The following PHF1 variants were observed in gnomAD, a reference collection of about 807,000 sequenced individuals.
PHF1 encodes the protein polycomb-like 1.
PHF1 carries 16 observed loss-of-function variants against 69.4 expected under a neutral mutation model. The observed-to-expected ratio is 0.23, with a 90% CI of 0.16 to 0.35. PHF1 has a LOEUF of 0.35. PHF1 is among the 10% of genes least tolerant of loss of function. PHF1 has a pLI of 1.00. For synonymous variants in PHF1, 274 were observed against 275.0 expected, an observed-to-expected ratio of 1.00 and a Z score of 0.04; for missense variants, 515 against 732.8, an observed-to-expected ratio of 0.70 and a Z score of 3.43.
chr6:33,414,410 ATG>A lies in PHF1; in HGVS notation c.876+46_876+47del. ...TTGGGGGTTGGGATGGGACAGGGAG[ATG>A]TAGCGGAAAGGGGAAGAGAAGAAAT... On this transcript the variant is annotated intron_variant, in intron 9 of 14. Coordinates refer to ENST00000374516, the MANE Select transcript of PHF1 (RefSeq NM_024165.3). This position sits in a 1 kb window ranked among gnomAD's most constrained non-coding sequence, Gnocchi z 5.0. The A allele has an allele frequency of 6.2e-7, 1 of 1,613,584 alleles. No homozygotes were observed.
chr6:33,416,186 T>A lies in PHF1; in HGVS notation c.*88T>A. 8.3e-7 allele frequency: 1 copy of A among 1,209,942 alleles called. No homozygotes were observed. Among genetic ancestry groups the A allele is most frequent in the Middle Eastern group, 2.7e-4 (1 of 3,712 alleles). 75.0% of individuals were successfully genotyped at this position (1,209,942 alleles called of 1,614,324 possible). ...ACCTCACCTACAGCTGGGATGTACC[T>A]GGAGAGATAGGGGGTAGTTCTCCCT... On this transcript the variant is annotated 3_prime_UTR_variant, in exon 15 of 15. Transcript: ENST00000374516.
chr6:33,414,380 C>T lies in PHF1; in HGVS notation c.876+14C>T, dbSNP rs777152109. 3.7e-6 allele frequency: 6 copies of T among 1,613,994 alleles called. No individual in the cohort carries two copies. Among genetic ancestry groups the T allele is most frequent in the Non-Finnish European group, 5.1e-6 (6 of 1,179,982 alleles). On this transcript the variant is annotated intron_variant, in intron 9 of 14. Transcript: ENST00000374516. The surrounding 1 kb of genome is among the most constrained non-coding windows in gnomAD (Gnocchi z 5.0). ...CTCCTGGGGGAGGTAAGGGGTAGTG[C>T]AGTTTTGGGGGTTGGGATGGGACAG...
At chr6:33,411,863 AAAG>A (rs1776087195) in intron 1 of PHF1, among the ~76,000 whole-genome samples, 1 of 152,178 alleles carries the variant, frequency 6.6e-6, no homozygotes, top group African/African-American at 2.4e-5. Context: ...CAAAATAGGC[AAAG>A]AAAATGGGGA....
rs375893284 is a variant in PHF1 at position 33,415,010 on chromosome 6, C to T, written c.1105C>T (p.Arg369Trp). The change falls in exon 12 of 15, where the codon CGG (arginine) becomes TGG (tryptophan). Residue 369 changes from arginine (R) to tryptophan (W), a missense_variant. Arg to Trp is a moderately radical substitution (Grantham distance 101). Around this residue, in one of 5 missense-constraint regions of PHF1, gnomAD observed 274 missense variants for 304.5 expected, o/e 0.90. Transcript: ENST00000374516. ...GGVSRPLGKR[R>W]RPEPEPLRRR... is the part of the protein sequence containing the mutation. Reference sequence around the variant, plus strand: ...GGTCTCACGTCCCCTGGGGAAGCGCCGGAGGCCGGAGCCAGAGCCCCTGAG... The same window carrying T: ...GGTCTCACGTCCCCTGGGGAAGCGCTGGAGGCCGGAGCCAGAGCCCCTGAG... 16 of 1,566,116 alleles carry T rather than the reference C, an allele frequency of 1.0e-5. No homozygotes were observed. Among genetic ancestry groups the T allele is most frequent in the African/African-American group, 4.1e-5 (3 of 73,510 alleles).
rs569846417 is a variant in PHF1, at chr6:33,416,403, G to A, written c.*305G>A. 20 of 524,952 alleles carry A rather than the reference G, an allele frequency of 3.8e-5. No homozygotes were observed. The highest frequency in any genetic ancestry group is 2.3e-4 in the South Asian group (7 of 30,850). 32.5% of individuals were successfully genotyped at this position (524,952 alleles called of 1,614,324 possible). ...AGGAGGGAGGATGATAAGGGATCCC[G>A]GACTCTGTATGATTGAAATAAAGAG... On this transcript the variant is annotated 3_prime_UTR_variant, in exon 15 of 15. Coordinates refer to ENST00000374516, the MANE Select transcript of PHF1 (RefSeq NM_024165.3).
Position 33,415,369 on chromosome 6 carries a change from C to T in PHF1, c.1334+40C>T, listed in dbSNP as rs1291707870. ...GCCCCTCCCCCACAAAATATGCTCCCAATTATTCACATCTTCTGGACTTTA... is the reference window on the plus strand; with the variant it reads ...GCCCCTCCCCCACAAAATATGCTCCTAATTATTCACATCTTCTGGACTTTA... On this transcript the variant is annotated intron_variant, in intron 13 of 14. Coordinates refer to ENST00000374516, the MANE Select transcript of PHF1 (RefSeq NM_024165.3). The T allele has an allele frequency of 2.8e-6, 4 of 1,453,740 alleles. No homozygotes were observed. The Admixed American group carries it at 5.1e-5, about 19-fold the overall frequency. 90.1% of individuals were successfully genotyped at this position (1,453,740 alleles called of 1,614,324 possible). A position where few individuals can be genotyped will look rare whatever the true frequency, so the allele number is the denominator to read the frequency against.
Position 33,412,164 on chromosome 6 carries a change from G to GAAAAA in PHF1, c.-16-72_-16-68dup. The GAAAAA allele has an allele frequency of 1.2e-6, 1 of 830,138 alleles. No homozygotes were observed. Among genetic ancestry groups the GAAAAA allele is most frequent in the Non-Finnish European group, 1.8e-6 (1 of 558,024 alleles). The allele number at this position is 830,138 out of a possible 1,614,324, so 51.4% of individuals were successfully genotyped here. Reference sequence around the variant, plus strand: ...GCGACAGAGCAAAACTCCATCTCAGGAAAAAAAAAAAAAAAAGAAAAAGAA... The same window carrying GAAAAA: ...GCGACAGAGCAAAACTCCATCTCAGGAAAAAAAAAAAAAAAAAAAAAGAAAAAGAA... On this transcript the variant is annotated intron_variant, in intron 1 of 14. Coordinates refer to ENST00000374516, the MANE Select transcript of PHF1 (RefSeq NM_024165.3). This position sits in a 1 kb window ranked among gnomAD's most constrained non-coding sequence, Gnocchi z 4.2.
Position 33,415,660 on chromosome 6 carries a change from C to T in PHF1, c.1405C>T (p.Pro469Ser). The T allele has an allele frequency of 1.2e-6, 2 of 1,613,670 alleles. No individual in the cohort carries two copies. Among genetic ancestry groups the T allele is most frequent in the African/African-American group, 2.7e-5 (2 of 74,982 alleles). The stretch of plus-strand genomic sequence containing the variant: ...CGCAGGGACCTCTGGGGACAGTGGA[C>T]CCCCAGACAGGTGAGATTCTGTCTT... ...STAGTSGDSG[P>S]PDRSPLELHI... is the part of the protein sequence containing the mutation. The change falls in exon 14 of 15, where the codon CCC (proline) becomes TCC (serine). Residue 469 changes from proline to serine, a missense_variant. Physicochemically the swap from Pro to Ser is moderately conservative, Grantham distance 74. Transcript: ENST00000374516.
At position 33,411,023 on chromosome 6, in the gene PHF1, C is replaced by CT. The variant is rs1271723384; in HGVS notation, c.-208dup. 32 of 151,478 alleles carry CT rather than the reference C, an allele frequency of 2.1e-4. No individual in the cohort carries two copies. The highest frequency in any genetic ancestry group is 7.8e-4 in the African/African-American group (32 of 41,204). 9.4% of individuals were successfully genotyped at this position (151,478 alleles called of 1,614,324 possible). ...CCCTCCCCCCCGCCGCCTCCTCCTC[C>CT]TGCCGCTGCCGCTGCTTTGGCTGCT... On this transcript the variant is annotated 5_prime_UTR_variant, in exon 1 of 15. Coordinates refer to ENST00000374516, the MANE Select transcript of PHF1 (RefSeq NM_024165.3).
intron 6 of PHF1, 43 bp downstream of exon 6, chr6:33,413,600 G>A (rs550226747): frequency 8.1e-6 from 13 of 1,612,730 alleles, no homozygotes; most frequent in African/African-American, 1.3e-5. Context: ...GAATGATGTG[G>A]TGGTGGATCC....
Position 33,413,736 on chromosome 6 carries a change from G to A in PHF1, c.588G>A (p.Glu196=). 6.2e-7 allele frequency: 1 copy of A among 1,613,258 alleles called. No homozygotes were observed. Among genetic ancestry groups the A allele is most frequent in the Non-Finnish European group, 8.5e-7 (1 of 1,179,612 alleles). ...QSYCYCGGPG[E]WNLKMLQCRS... Reference sequence around the variant, plus strand: ...CCAGAAGTCCTGTGTTCCCCCTCAGGTGGAACCTGAAAATGCTGCAGTGCC... The same window carrying A: ...CCAGAAGTCCTGTGTTCCCCCTCAGATGGAACCTGAAAATGCTGCAGTGCC... The change falls in exon 7 of 15, where the codon GAG becomes GAA. Residue 196 remains glutamate (E), a splice_region_variant and synonymous_variant. Transcript: ENST00000374516.
In PHF1 at chr6:33,415,316, C is replaced by T. The variant is rs764422208; in HGVS notation, c.1321C>T (p.Arg441Cys). The T allele has an allele frequency of 1.6e-5, 25 of 1,612,722 alleles. No individual in the cohort carries two copies. Among genetic ancestry groups the T allele is most frequent in the African/African-American group, 1.1e-4 (8 of 74,868 alleles). Reference sequence around the variant, plus strand: ...CTACAACTTCCGGCCCACAGATGCCCGCTGCCTGCCCAGGTCAGTGCTCCT... The same window carrying T: ...CTACAACTTCCGGCCCACAGATGCCTGCTGCCTGCCCAGGTCAGTGCTCCT... ...SGYNFRPTDA[R>C]CLPSSPIRMF... is the part of the protein sequence containing the mutation. The change falls in exon 13 of 15, where the codon CGC becomes TGC. Residue 441 changes from arginine to cysteine, a missense_variant. Around this residue, in one of 5 missense-constraint regions of PHF1, gnomAD observed 274 missense variants for 304.5 expected, o/e 0.90. Coordinates refer to ENST00000374516, the MANE Select transcript of PHF1 (RefSeq NM_024165.3).
upstream of PHF1, chr6:33,410,973 C>A (rs1242398020): frequency 1.3e-5 from 2 of 149,278 alleles, no homozygotes; most frequent in Non-Finnish European, 3.0e-5. Context: ...CCCTCCCCCC[C>A]AACCGGTCCG....
In PHF1 at chr6:33,416,254, C is replaced by A; in HGVS notation, c.*156C>A. 1.8e-6 allele frequency: 1 copy of A among 549,910 alleles called. No homozygotes were observed. The highest frequency in any genetic ancestry group is 3.1e-6 in the Non-Finnish European group (1 of 327,320). 34.1% of individuals were successfully genotyped at this position (549,910 alleles called of 1,614,324 possible). On this transcript the variant is annotated 3_prime_UTR_variant, in exon 15 of 15. Transcript: ENST00000374516. ...CCAAGAGTGGGGAGTGGGGAAGAGG[C>A]CCTCTTCTCTACCCTCCTTCATGAT... is the stretch of plus-strand genomic sequence containing the variant.
In PHF1 at chr6:33,415,620, C is replaced by T. The variant is rs1183372329; in HGVS notation, c.1365C>T (p.His455=). The change falls in exon 14 of 15, where the codon CAC becomes CAT. Residue 455 remains histidine, a synonymous_variant. Coordinates refer to ENST00000374516, the MANE Select transcript of PHF1 (RefSeq NM_024165.3). ...SSPIRMFASF[H]PSASTAGTSG... is the part of the protein sequence containing the mutation. ...CCATCCGGATGTTTGCTTCCTTCCA[C>T]CCTTCTGCCAGCACCGCAGGGACCT... 1 of 1,614,090 alleles carries T rather than the reference C, an allele frequency of 6.2e-7. No homozygotes were observed. Among genetic ancestry groups the T allele is most frequent in the South Asian group, 1.1e-5 (1 of 91,088 alleles).
At chr6:33,415,508 A>C (rs898182538) in intron 13 of PHF1, 82 bp from the exon 14 acceptor site, 7 of 1,411,410 alleles carry the variant, frequency 5.0e-6, no homozygotes, top group Non-Finnish European at 7.0e-6. Flanking sequence ...CCTTGGGGGT[A>C]GTGTTTGAGC....
chr6:33,414,603 C>CCCCTCCCCTTCCAGGCTTCCA lies in PHF1; in HGVS notation c.944+60_944+61insCCTCCCCTTCCAGGCTTCCAC. 1 of 1,589,388 alleles carries CCCCTCCCCTTCCAGGCTTCCA rather than the reference C, an allele frequency of 6.3e-7. No homozygotes were observed. The highest frequency in any genetic ancestry group is 8.6e-7 in the Non-Finnish European group (1 of 1,158,782). ...CTCGGAAAGAGATGGAGAGTGGAAG[C>CCCCTCCCCTTCCAGGCTTCCA]CTGGAAGGGGAGGGGCTTGCAACCC... On this transcript the variant is annotated intron_variant, in intron 10 of 14. Coordinates refer to ENST00000374516, the MANE Select transcript of PHF1 (RefSeq NM_024165.3). This position sits in a 1 kb window ranked among gnomAD's most constrained non-coding sequence, Gnocchi z 5.0.
intron 13 of PHF1, 58 bp from the exon 14 acceptor site, chr6:33,415,532 G>A: frequency 6.4e-7 from 1 of 1,557,258 alleles, no homozygotes; most frequent in Non-Finnish European, 8.9e-7. Context: ...GCACTTCCCA[G>A]GGGGAGAAGG....
rs779443869 is a variant in PHF1 at position 33,414,374 on chromosome 6, G to A, written c.876+8G>A. On this transcript the variant is annotated splice_region_variant and intron_variant, in intron 9 of 14. Transcript: ENST00000374516. The surrounding 1 kb of genome is among the most constrained non-coding windows in gnomAD (Gnocchi z 5.0). The stretch of plus-strand genomic sequence containing the variant: ...AGTTTGCTCCTGGGGGAGGTAAGGG[G>A]TAGTGCAGTTTTGGGGGTTGGGATG... 5 of 1,613,966 alleles carry A rather than the reference G, an allele frequency of 3.1e-6. No homozygotes were observed. Among genetic ancestry groups the A allele is most frequent in the Non-Finnish European group, 4.2e-6 (5 of 1,179,924 alleles).
Sources: gnomAD v4.1 joint callset for allele counts (sites outside exome capture counted in the v4.1 genomes callset) on GRCh38, gnomAD v4.1.1 for gene constraint, gnomAD v4.1.1 regional missense constraint, Gnocchi (gnomAD v3.1) non-coding constraint, MANE v1.5 for transcripts, NCBI Gene and HGNC (gene_info 2026-07-23, HGNC 2026-07-21) for gene names.